The following ACVR2A variants were observed in gnomAD, a reference collection of about 807,000 sequenced individuals.
The protein encoded by ACVR2A is activin A receptor type 2A.
ACVR2A carries 7 observed loss-of-function variants against 61.4 expected under a neutral mutation model. That is an observed-to-expected ratio of 0.11 (90% CI 0.06 to 0.21). The LOEUF (loss-of-function observed/expected upper bound fraction) is 0.21, where lower values mean the gene tolerates loss of function less well. ACVR2A is among the 10% of genes least tolerant of loss of function. ACVR2A has a pLI of 1.00. For missense variants in ACVR2A, 322 were observed against 621.7 expected (o/e 0.52, Z 5.13); for synonymous variants, 193 against 208.3 (o/e 0.93, Z 0.63).
intron 4 of ACVR2A, chr2:147,900,621 G>T (rs990187194): frequency 1.3e-5 from 2 of 152,002 alleles, no homozygotes; most frequent in African/African-American, 4.8e-5. Flanking sequence ...TAGACACTTT[G>T]TGCAGGTCTG....
chr2:147,861,218 A>T (rs1490483497), intron 1 of ACVR2A, among the ~76,000 whole-genome samples: 1 of 152,242 alleles, frequency 6.6e-6, no homozygotes. Flanking sequence ...CGAACAAGTT[A>T]TAATGTAGTG....
chr2:147,895,228 A>G (rs1285201809), intron 1 of ACVR2A, among the ~76,000 whole-genome samples: 1 of 152,186 alleles, frequency 6.6e-6, no homozygotes, highest in African/African-American at 2.4e-5. Flanking sequence ...AAATGTAAAG[A>G]TACAGTATTA....
chr2:147,928,339 G>A lies in ACVR2A; in HGVS notation c.*1065G>A, dbSNP rs1308472324. The A allele has an allele frequency of 6.6e-6, 1 of 152,034 alleles. No individual in the cohort carries two copies. The highest frequency in any genetic ancestry group is 1.5e-5 in the Non-Finnish European group (1 of 67,866). The allele number at this position is 152,034 out of a possible 1,614,324, so 9.4% of individuals were successfully genotyped here. A position where few individuals can be genotyped will look rare whatever the true frequency, so the allele number is the denominator to read the frequency against. On this transcript the variant is annotated 3_prime_UTR_variant, in exon 11 of 11. Transcript: ENST00000241416. ...TTTCTTTTCACCAAACAGTGTGTGG[G>A]ACATTCTTTATCACTGTTTTAGGAT...
intron 1 of ACVR2A, among the ~76,000 whole-genome samples, chr2:147,887,310 A>T (rs996116398): frequency 3.3e-5 from 5 of 152,104 alleles, no homozygotes; most frequent in Non-Finnish European, 7.4e-5. Context: ...CTTTAATTTT[A>T]TATTAAGCTA....
intron 4 of ACVR2A, among the ~76,000 whole-genome samples, chr2:147,903,534 G>C (rs1188720798): frequency 1.3e-5 from 2 of 151,810 alleles, no homozygotes; most frequent in East Asian, 3.9e-4. Flanking sequence ...GTTTGATTAT[G>C]TTACTTATGT....
chr2:147,900,944 G>C (rs924638676), intron 4 of ACVR2A, among the ~76,000 whole-genome samples: 1 of 151,996 alleles, frequency 6.6e-6, no homozygotes. Context: ...GCAGCAATCT[G>C]TTAGCATTAG....
chr2:147,930,382 A>G lies in ACVR2A; in HGVS notation c.*3108A>G, dbSNP rs1212835163. 1 of 150,046 alleles carries G rather than the reference A, an allele frequency of 6.7e-6. No homozygotes were observed. The highest frequency in any genetic ancestry group is 1.9e-4 in the East Asian group (1 of 5,158). 9.3% of individuals were successfully genotyped at this position (150,046 alleles called of 1,614,324 possible). A position where few individuals can be genotyped will look rare whatever the true frequency, so the allele number is the denominator to read the frequency against. On this transcript the variant is annotated 3_prime_UTR_variant, in exon 11 of 11. Transcript: ENST00000241416. Reference sequence around the variant, plus strand: ...TTTTTTTTTTTTTTTTAAAGAAAGAAGCTTCATCACAGATACTTTCCAGTT... The same window carrying G: ...TTTTTTTTTTTTTTTTAAAGAAAGAGGCTTCATCACAGATACTTTCCAGTT...
At chr2:147,891,626 C>T (rs1686584519) in intron 1 of ACVR2A, among the ~76,000 whole-genome samples, 1 of 151,750 alleles carries the variant, frequency 6.6e-6, no homozygotes, top group Non-Finnish European at 1.5e-5. Context: ...ACATGAAATC[C>T]AATTTTCAGT....
chr2:147,892,191 C>T (rs760349896), intron 1 of ACVR2A, among the ~76,000 whole-genome samples: 6 of 151,960 alleles, frequency 3.9e-5, no homozygotes, highest in Admixed American at 2.0e-4. Flanking sequence ...AGGCTGGTCT[C>T]AAACTCCTGA....
At chr2:147,882,931 A>G (rs1164958113) in intron 1 of ACVR2A, among the ~76,000 whole-genome samples, 1 of 152,118 alleles carries the variant, frequency 6.6e-6, no homozygotes, top group Non-Finnish European at 1.5e-5. Flanking sequence ...GACAGGGCCT[A>G]AAATGTTGTA....
intron 4 of ACVR2A, among the ~76,000 whole-genome samples, chr2:147,909,950 A>G (rs1048652581): frequency 2.0e-5 from 3 of 151,776 alleles, no homozygotes; most frequent in African/African-American, 7.3e-5. Context: ...CTTTAAAAAA[A>G]TTTTGCTTTA....
intron 1 of ACVR2A, among the ~76,000 whole-genome samples, chr2:147,870,555 C>T (rs1048410752): frequency 3.3e-5 from 5 of 152,102 alleles, no homozygotes; most frequent in African/African-American, 1.2e-4. Context: ...TATTGGAGAT[C>T]TATGCATTAA....
At chr2:147,918,363 C>T in intron 6 of ACVR2A, 84 bp from the exon 7 acceptor site, 1 of 1,185,780 alleles carries the variant, frequency 8.4e-7, no homozygotes, top group African/African-American at 1.6e-5. Flanking sequence ...AAACTCACAA[C>T]CTCTTATAGG....
chr2:147,889,192 T>C (rs986290792), intron 1 of ACVR2A, among the ~76,000 whole-genome samples: 2 of 152,140 alleles, frequency 1.3e-5, no homozygotes, highest in South Asian at 2.1e-4. Context: ...TTAAAAAATA[T>C]ATTGTTGGAT....
At chr2:147,884,127 T>C (rs1686375241) in intron 1 of ACVR2A, among the ~76,000 whole-genome samples, 1 of 152,180 alleles carries the variant, frequency 6.6e-6, no homozygotes, top group Non-Finnish European at 1.5e-5. Context: ...TTACCTTTTA[T>C]CTCTTATTCT....
chr2:147,854,293 A>G (rs1379878684), intron 1 of ACVR2A, among the ~76,000 whole-genome samples: 4 of 152,216 alleles, frequency 2.6e-5, no homozygotes, highest in Admixed American at 2.0e-4. Flanking sequence ...AAAAGAAACA[A>G]TGGACTAAAT....
rs1687586964 is a variant in ACVR2A at position 147,929,083 on chromosome 2, C to T, written c.*1809C>T. 1 of 152,414 alleles carries T rather than the reference C, an allele frequency of 6.6e-6. No individual in the cohort carries two copies. The highest frequency in any genetic ancestry group is 2.4e-5 in the African/African-American group (1 of 41,428). The allele number at this position is 152,414 out of a possible 1,614,324, so 9.4% of individuals were successfully genotyped here. A position where few individuals can be genotyped will look rare whatever the true frequency, so the allele number is the denominator to read the frequency against. On this transcript the variant is annotated 3_prime_UTR_variant, in exon 11 of 11. Transcript: ENST00000241416. ...TATAAACAATACATAGGTCAACAGA[C>T]TTTAAGCAGGGAGGAAAAGAAGAGT...
intron 1 of ACVR2A, among the ~76,000 whole-genome samples, chr2:147,875,379 T>C (rs978143956): frequency 2.6e-5 from 4 of 152,090 alleles, no homozygotes; most frequent in African/African-American, 9.6e-5. Flanking sequence ...GAGATGTATA[T>C]GCTCTCTTAT....
At chr2:147,907,476 A>G (rs935275697) in intron 4 of ACVR2A, among the ~76,000 whole-genome samples, 1 of 152,142 alleles carries the variant, frequency 6.6e-6, no homozygotes, top group Non-Finnish European at 1.5e-5. Flanking sequence ...AAGTGTTCCC[A>G]TTTCTCCACA....
Sources: gnomAD v4.1 joint callset for allele counts (sites outside exome capture counted in the v4.1 genomes callset) on GRCh38, gnomAD v4.1.1 for gene constraint, MANE v1.5 for transcripts, NCBI Gene and HGNC (gene_info 2026-07-23, HGNC 2026-07-21) for gene names.